The following LRIG2 variants were observed in gnomAD, a reference collection of about 807,000 sequenced individuals.
LRIG2 encodes the protein leucine-rich repeats and immunoglobulin-like domains protein 2.
LRIG2 carries 93 observed loss-of-function variants against 107.8 expected under a neutral mutation model. The observed-to-expected ratio is 0.86, with a 90% CI of 0.73 to 1.03. The LOEUF is 1.03. LRIG2 is among the 50% of genes least tolerant of loss of function. LRIG2 has a pLI of 0.00. For synonymous variants in LRIG2, 471 were observed against 470.6 expected, an observed-to-expected ratio of 1.00 and a Z score of -0.01; for missense variants, 1,226 against 1,296.0, an observed-to-expected ratio of 0.95 and a Z score of 0.83.
chr1:113,107,470 T>C, intron 11 of LRIG2, 124 bp from the exon 12 acceptor site: 1 of 872,742 alleles, frequency 1.1e-6, no homozygotes, highest in Non-Finnish European at 1.7e-6. Flanking sequence ...ATTTGTTTTC[T>C]CATGATTTAT....
chr1:113,102,714 AG>A (rs1331626739), intron 11 of LRIG2, among the ~76,000 whole-genome samples: 1 of 152,190 alleles, frequency 6.6e-6, no homozygotes, highest in Non-Finnish European at 1.5e-5. Context: ...AGAGAGAGTT[AG>A]GAGGCAGATC....
At chr1:113,099,236 G>GTTTTTTCTTT (rs1553228708) in intron 9 of LRIG2, among the ~76,000 whole-genome samples, 2 of 16,200 alleles carry the variant, frequency 1.2e-4, no homozygotes, top group African/African-American at 3.1e-4. Context: ...AACTTGGCTG[G>GTTTTTTCTTT]TTTTTTTCTT....
At chr1:113,107,884 A>ACTGT in intron 12 of LRIG2, 127 bp downstream of exon 12, 1 of 790,658 alleles carries the variant, frequency 1.3e-6, no homozygotes, top group Non-Finnish European at 1.9e-6. Flanking sequence ...TGCCATTAAA[A>ACTGT]ATGATCACAG....
chr1:113,117,106 C>T (rs1655054096), intron 16 of LRIG2, among the ~76,000 whole-genome samples: 1 of 152,142 alleles, frequency 6.6e-6, no homozygotes, highest in African/African-American at 2.4e-5. Flanking sequence ...GATGCGTACC[C>T]ATACACAGAG....
chr1:113,080,553 G>A (rs1376143442), intron 1 of LRIG2, among the ~76,000 whole-genome samples: 2 of 151,316 alleles, frequency 1.3e-5, no homozygotes, highest in East Asian at 2.0e-4. Flanking sequence ...CTAATTTTTT[G>A]TATTTTCAGT....
chr1:113,097,849 T>C (rs773889304), intron 8 of LRIG2, among the ~76,000 whole-genome samples: 2 of 152,136 alleles, frequency 1.3e-5, no homozygotes, highest in East Asian at 1.9e-4. Context: ...TCCTGAAGAG[T>C]TGAGCCATTG....
chr1:113,093,262 A>C lies in LRIG2; in HGVS notation c.362A>C (p.Asn121Thr), dbSNP rs889664036. Reference sequence around the variant, plus strand: ...CCGTATTTTGGAGAACCTACATCTAATATTACTCTACTTTCATTGTAAGTT... The same window carrying C: ...CCGTATTTTGGAGAACCTACATCTACTATTACTCTACTTTCATTGTAAGTT... ...EIPYFGEPTS[N>T]ITLLSLVHNI... is the part of the protein sequence containing the mutation. Residue 121 changes from asparagine to threonine, a missense_variant, in exon 3 of 18, where the codon AAT becomes ACT. This residue lies in a region of LRIG2 where 570 missense variants were observed against 550.2 expected (regional missense o/e 1.04). Coordinates refer to ENST00000361127, the MANE Select transcript of LRIG2 (RefSeq NM_014813.3). The C allele has an allele frequency of 1.1e-5, 17 of 1,594,160 alleles. No homozygotes were observed. Among genetic ancestry groups the C allele is most frequent in the Non-Finnish European group, 1.3e-5 (15 of 1,169,200 alleles).
At chr1:113,088,053 A>C (rs933109531) in intron 1 of LRIG2, among the ~76,000 whole-genome samples, 1 of 152,262 alleles carries the variant, frequency 6.6e-6, no homozygotes, top group African/African-American at 2.4e-5. Context: ...GATAACTTAA[A>C]ACAGTTGTAC....
chr1:113,109,374 T>C (rs575055755), intron 12 of LRIG2, among the ~76,000 whole-genome samples: 1 of 152,358 alleles, frequency 6.6e-6, no homozygotes, highest in African/African-American at 2.4e-5. Flanking sequence ...ATTTGACCTA[T>C]TTGGATTTTT....
chr1:113,073,895 T>G (rs915383477), intron 1 of LRIG2, among the ~76,000 whole-genome samples: 1 of 149,356 alleles, frequency 6.7e-6, no homozygotes, highest in South Asian at 2.1e-4. Flanking sequence ...TGTGATTTCC[T>G]CAACTGGGGA....
chr1:113,082,680 GTCTC>G (rs936662268), intron 1 of LRIG2, among the ~76,000 whole-genome samples: 3 of 152,114 alleles, frequency 2.0e-5, no homozygotes, highest in African/African-American at 4.8e-5. Flanking sequence ...TTGAGACGAA[GTCTC>G]TCTCTGTTGC....
intron 17 of LRIG2, among the ~76,000 whole-genome samples, chr1:113,119,898 C>T (rs1469911643): frequency 6.6e-6 from 1 of 152,076 alleles, no homozygotes; most frequent in Admixed American, 6.5e-5. Context: ...CAACCTCTGC[C>T]TCCCTGGTTC....
At chr1:113,111,597 GA>G (rs1294919381) in intron 13 of LRIG2, among the ~76,000 whole-genome samples, 1 of 152,098 alleles carries the variant, frequency 6.6e-6, no homozygotes, top group African/African-American at 2.4e-5. Flanking sequence ...CTCCACACAG[GA>G]TCATTTTAAA....
rs1653706248 is a variant in LRIG2, at chr1:113,089,675, G to GTTT, written c.240-1643_240-1642insTTT. ...AATTTCCTCTTACTGAAGGTGGATTGCTTTTTTTTTTTTTTTTTTTTTTGG... is the reference window on the plus strand; with the variant it reads ...AATTTCCTCTTACTGAAGGTGGATTGTTTCTTTTTTTTTTTTTTTTTTTTTTGG... On this transcript the variant is annotated intron_variant, in intron 1 of 17. Transcript: ENST00000361127. Among the ~76,000 whole-genome samples the GTTT allele has an allele frequency of 6.1e-4, 17 of 27,928 alleles. No homozygotes were observed. In the East Asian group the frequency reaches 7.8e-3, roughly 13 times the overall value. The allele number at this position is 27,928 out of a possible 152,430, so 18.3% of individuals were successfully genotyped here.
intron 15 of LRIG2, 65 bp downstream of exon 15, chr1:113,114,941 T>TTA: frequency 7.5e-7 from 1 of 1,328,700 alleles, no homozygotes; most frequent in Non-Finnish European, 1.0e-6. Context: ...TAGGATTAAT[T>TTA]GTACAATATA....
At chr1:113,090,882 T>C (rs865996544) in intron 1 of LRIG2, among the ~76,000 whole-genome samples, 32 of 151,572 alleles carry the variant, frequency 2.1e-4, no homozygotes, top group Middle Eastern at 3.4e-3. Context: ...GACAGAATCT[T>C]GCTCTGTCAC....
intron 15 of LRIG2, among the ~76,000 whole-genome samples, chr1:113,116,074 G>GT (rs1654994748): frequency 6.6e-6 from 1 of 152,118 alleles, no homozygotes. Context: ...CAACCTTTAG[G>GT]TTTTGTTTCT....
chr1:113,114,881 G>T lies in LRIG2; in HGVS notation c.2530+5G>T, dbSNP rs748959411. 33 of 1,594,862 alleles carry T rather than the reference G, an allele frequency of 2.1e-5. No individual in the cohort carries two copies. Among genetic ancestry groups the T allele is most frequent in the Non-Finnish European group, 2.7e-5 (32 of 1,171,912 alleles). On this transcript the variant is annotated splice_donor_5th_base_variant and intron_variant, in intron 15 of 17. Coordinates refer to ENST00000361127, the MANE Select transcript of LRIG2 (RefSeq NM_014813.3). ...ACTATAGTATCACAAACACAGGTAA[G>T]TAGTACCCACATGACACCTATGGCT...
In LRIG2 at chr1:113,091,295, AATG is replaced by A. The variant is rs1557902225; in HGVS notation, c.240-20_240-18del. 1.3e-6 allele frequency: 2 copies of A among 1,508,926 alleles called. No individual in the cohort carries two copies. Among genetic ancestry groups the A allele is most frequent in the Non-Finnish European group, 1.8e-6 (2 of 1,097,360 alleles). 93.5% of individuals were successfully genotyped at this position (1,508,926 alleles called of 1,614,324 possible). ...GTCTACTTTCCAGGACTAAACTAAGAATGATATTTTGTCCTCTTTCAGGGATTT... is the reference window on the plus strand; with the variant it reads ...GTCTACTTTCCAGGACTAAACTAAGAATATTTTGTCCTCTTTCAGGGATTT... On this transcript the variant is annotated intron_variant, in intron 1 of 17. Transcript: ENST00000361127.
Sources: allele counts gnomAD v4.1 joint callset (sites outside exome capture counted in the v4.1 genomes callset), GRCh38; gene constraint gnomAD v4.1.1; regional missense constraint gnomAD v4.1.1; transcripts MANE v1.5; gene names NCBI Gene and HGNC (gene_info 2026-07-23, HGNC 2026-07-21).